KANK3: variants seen among roughly 807,000 people sequenced by gnomAD.
KANK3 encodes the protein KN motif and ankyrin repeat domain-containing protein 3.
KANK3 carries 61 observed loss-of-function variants against 65.4 expected under a neutral mutation model. That is an observed-to-expected ratio of 0.93 (90% confidence interval 0.76 to 1.15). The LOEUF is 1.15. KANK3 is among the 50% of genes most tolerant of loss of function. KANK3 has a pLI of 0.00. For synonymous variants in KANK3, 586 were observed against 543.3 expected (o/e 1.08, Z -1.09); for missense variants, 1,187 against 1,178.8 (o/e 1.01, Z -0.10).
At chr19:8,342,571 G>T (rs1209796248) in intron 1 of KANK3, among the ~76,000 whole-genome samples, 2 of 152,132 alleles carry the variant, frequency 1.3e-5, no homozygotes, top group Non-Finnish European at 2.9e-5. Flanking sequence ...GAGTGGTGGG[G>T]GCCACGGCAG....
chr19:8,329,034 G>C (rs961681343), intron 7 of KANK3, among the ~76,000 whole-genome samples: 2 of 151,580 alleles, frequency 1.3e-5, no homozygotes, highest in African/African-American at 4.9e-5. Context: ...AGCCGGGCGT[G>C]GTGGCGGACA....
intron 1 of KANK3, among the ~76,000 whole-genome samples, chr19:8,342,965 G>C (rs1970739691): frequency 6.6e-6 from 1 of 152,170 alleles, no homozygotes; most frequent in African/African-American, 2.4e-5. Flanking sequence ...GCATTAGGGA[G>C]CGAACGAGCC....
Position 8,334,956 on chromosome 19 carries a change from C to G in KANK3, c.871G>C (p.Val291Leu), listed in dbSNP as rs536790512. 1 of 1,493,838 alleles carries G rather than the reference C, an allele frequency of 6.7e-7. No homozygotes were observed. The highest frequency in any genetic ancestry group is 2.2e-5 in the Admixed American group (1 of 44,698). 92.5% of individuals were successfully genotyped at this position (1,493,838 alleles called of 1,614,324 possible). The change falls in exon 3 of 11, where the codon GTC becomes CTC. Residue 291 changes from valine to leucine, a missense_variant. By Grantham distance (32) the Val-to-Leu change is conservative. Transcript: ENST00000330915. ...TGGGGCGTCCCATCGAGACTCCCGA[C>G]CTCCCCGTCGAGGACCTGGAGCGCG... ...EGALQVLDGE[V>L]GSLDGTPQTR...
At chr19:8,327,503 C>T (rs533987675) in intron 7 of KANK3, among the ~76,000 whole-genome samples, 6 of 152,140 alleles carry the variant, frequency 3.9e-5, no homozygotes, top group East Asian at 3.9e-4. Flanking sequence ...TGGTGGTGTG[C>T]GCCTGTAGTC....
intron 2 of KANK3, 30 bp from the exon 3 acceptor site, chr19:8,335,822 C>T (rs1970628282): frequency 1.6e-6 from 2 of 1,221,736 alleles, no homozygotes; most frequent in Non-Finnish European, 2.0e-6. Flanking sequence ...ACGGGGAGGG[C>T]GCATCAGAAC....
In KANK3 at chr19:8,335,074, G is replaced by C. The variant is rs1239655585; in HGVS notation, c.753C>G (p.Thr251=). The change falls in exon 3 of 11, where the codon ACC becomes ACG. Residue 251 remains threonine, a synonymous_variant. Coordinates refer to ENST00000330915, the MANE Select transcript of KANK3 (RefSeq NM_198471.3). ...PDKLAQLRRL[T]ERLATSERGG... ...CGCGCTCGGAGGTGGCCAGGCGCTCGGTGAGCCGCCGCAGCTGGGCGAGCT... is the reference window on the plus strand; with the variant it reads ...CGCGCTCGGAGGTGGCCAGGCGCTCCGTGAGCCGCCGCAGCTGGGCGAGCT... The C allele has an allele frequency of 7.6e-7, 1 of 1,316,480 alleles. No homozygotes were observed. Among genetic ancestry groups the C allele is most frequent in the Non-Finnish European group, 9.6e-7 (1 of 1,038,194 alleles). 81.5% of individuals were successfully genotyped at this position (1,316,480 alleles called of 1,614,324 possible).
At chr19:8,340,139 G>A (rs1193041170) in intron 1 of KANK3, among the ~76,000 whole-genome samples, 2 of 151,346 alleles carry the variant, frequency 1.3e-5, no homozygotes, top group South Asian at 2.1e-4. Context: ...GTGCATGCCT[G>A]TAGTCCCAGC....
Position 8,331,144 on chromosome 19 carries a change from GA to G in KANK3, c.1936+1869del, listed in dbSNP as rs535012607. Among the ~76,000 whole-genome samples the G allele has an allele frequency of 6.5e-4, 99 of 151,258 alleles. 1 individual carries two copies. The highest frequency in any genetic ancestry group is 2.2e-3 in the African/African-American group (89 of 41,240). Reference sequence around the variant, plus strand: ...GGAGGCGTAGGTTGCAGTGAGCAGAGAGATCATGCCACTGCACTCCAGCCTG... The same window carrying G: ...GGAGGCGTAGGTTGCAGTGAGCAGAGGATCATGCCACTGCACTCCAGCCTG... On this transcript the variant is annotated intron_variant, in intron 7 of 10. Coordinates refer to ENST00000330915, the MANE Select transcript of KANK3 (RefSeq NM_198471.3).
In KANK3 at chr19:8,334,858, C is replaced by A. The variant is rs779701629; in HGVS notation, c.969G>T (p.Arg323=). 3 of 1,463,170 alleles carry A rather than the reference C, an allele frequency of 2.1e-6. No individual in the cohort carries two copies. In the East Asian group the frequency reaches 8.6e-5, roughly 42 times the overall value. 90.6% of individuals were successfully genotyped at this position (1,463,170 alleles called of 1,614,324 possible). ...EAGAQAVPET[R]EAGVEAAPET... ...CGGGGGCAGCCTCCACGCCGGCCTCCCGGGTCTCCGGCACGGCCTGGGCAC... is the reference window on the plus strand; with the variant it reads ...CGGGGGCAGCCTCCACGCCGGCCTCACGGGTCTCCGGCACGGCCTGGGCAC... The change falls in exon 3 of 11, where the codon CGG becomes CGT. Residue 323 remains arginine (R), a synonymous_variant. Coordinates refer to ENST00000330915, the MANE Select transcript of KANK3 (RefSeq NM_198471.3).
At position 8,335,203 on chromosome 19, in the gene KANK3, G is replaced by A. The variant is rs1484635534; in HGVS notation, c.624C>T (p.Pro208=). 1 of 1,219,438 alleles carries A rather than the reference G, an allele frequency of 8.2e-7. No homozygotes were observed. The highest frequency in any genetic ancestry group is 3.6e-5 in the East Asian group (1 of 28,150). 75.5% of individuals were successfully genotyped at this position (1,219,438 alleles called of 1,614,324 possible). A position where few individuals can be genotyped will look rare whatever the true frequency, so the allele number is the denominator to read the frequency against. ...GCGCGCGCACCTGCTCCTGCAGCTC[G>A]GGCAGCGTTCGCGCCTGGTCCTCGA... ...RELEDQARTL[P]ELQEQVRALR... is the part of the protein sequence containing the mutation. The change falls in exon 3 of 11, where the codon CCC becomes CCT. Residue 208 remains proline, a synonymous_variant. Coordinates refer to ENST00000330915, the MANE Select transcript of KANK3 (RefSeq NM_198471.3).
intron 7 of KANK3, among the ~76,000 whole-genome samples, chr19:8,327,624 T>C (rs1970452151): frequency 1.3e-5 from 2 of 151,950 alleles, no homozygotes; most frequent in Non-Finnish European, 2.9e-5. Flanking sequence ...AGCGACACTC[T>C]GCTCCCCGCC....
chr19:8,328,356 G>A (rs935031799), intron 7 of KANK3, among the ~76,000 whole-genome samples: 1 of 149,056 alleles, frequency 6.7e-6, no homozygotes, highest in Non-Finnish European at 1.5e-5. Flanking sequence ...CTTGATAATC[G>A]TCTCTCTCCA....
chr19:8,335,920 A>C, intron 2 of KANK3, 128 bp from the exon 3 acceptor site: 28 of 632,270 alleles, frequency 4.4e-5, no homozygotes, highest in Admixed American at 8.8e-5. Flanking sequence ...GTATTAACTC[A>C]ATCGCTTGTT....
intron 9 of KANK3, 35 bp downstream of exon 9, chr19:8,324,595 C>G (rs373095585): frequency 1.2e-6 from 2 of 1,611,306 alleles, no homozygotes; most frequent in African/African-American, 1.3e-5. Context: ...GCCATGGGCA[C>G]CCCCCAAGAT....
intron 7 of KANK3, 27 bp downstream of exon 7, chr19:8,332,987 T>TGGGGCCC: frequency 1.8e-5 from 7 of 395,194 alleles, no homozygotes; most frequent in Admixed American, 4.3e-5. Context: ...TTTCCTGGTG[T>TGGGGCCC]CCCACCCACC....
chr19:8,322,773 CA>C lies in KANK3; in HGVS notation c.*65del. The C allele has an allele frequency of 7.8e-7, 1 of 1,286,822 alleles. No homozygotes were observed. Among genetic ancestry groups the C allele is most frequent in the Non-Finnish European group, 1.1e-6 (1 of 898,084 alleles). The allele number at this position is 1,286,822 out of a possible 1,614,324, so 79.7% of individuals were successfully genotyped here. A position where few individuals can be genotyped will look rare whatever the true frequency, so the allele number is the denominator to read the frequency against. On this transcript the variant is annotated 3_prime_UTR_variant, in exon 11 of 11. Transcript: ENST00000330915. Reference sequence around the variant, plus strand: ...GGGGACCCTGGACCCTTCTGTGCGCCAAAGGCTGAGGTGACTGACGAGGAGA... The same window carrying C: ...GGGGACCCTGGACCCTTCTGTGCGCCAAGGCTGAGGTGACTGACGAGGAGA...
chr19:8,335,273 A>G lies in KANK3; in HGVS notation c.554T>C (p.Leu185Pro). Residue 185 changes from leucine (L) to proline (P), a missense_variant, in exon 3 of 11, where the codon CTG (leucine) becomes CCG (proline). Leu to Pro is a moderately conservative substitution (Grantham distance 98). Around this residue, in one of 3 missense-constraint regions of KANK3, gnomAD observed 1,078 missense variants for 1,038.2 expected, o/e 1.04. Transcript: ENST00000330915. Reference sequence around the variant, plus strand: ...CGCCGCGGCCATCTGCTCGCGCACCAGCTGCAGTTGGGCAGGGCCGGGCGA... The same window carrying G: ...CGCCGCGGCCATCTGCTCGCGCACCGGCTGCAGTTGGGCAGGGCCGGGCGA... The part of the protein sequence containing the change: ...PASPGPAQLQ[L>P]VREQMAAALR... 1 of 1,220,778 alleles carries G rather than the reference A, an allele frequency of 8.2e-7. No individual in the cohort carries two copies. Among genetic ancestry groups the G allele is most frequent in the Non-Finnish European group, 1.0e-6 (1 of 979,954 alleles). The allele number at this position is 1,220,778 out of a possible 1,614,324, so 75.6% of individuals were successfully genotyped here.
intron 2 of KANK3, among the ~76,000 whole-genome samples, chr19:8,337,363 G>A (rs145743649): frequency 0.025 from 3,783 of 152,084 alleles, 197 homozygotes; most frequent in South Asian, 0.17. Context: ...CACCATGCCC[G>A]GCTAATTTTT....
At chr19:8,331,455 T>C (rs1286367358) in intron 7 of KANK3, among the ~76,000 whole-genome samples, 1 of 151,976 alleles carries the variant, frequency 6.6e-6, no homozygotes, top group Non-Finnish European at 1.5e-5. Context: ...GATCTGCGTG[T>C]TTAGGGGGTT....
Sources: allele counts gnomAD v4.1 joint callset (sites outside exome capture counted in the v4.1 genomes callset), GRCh38; gene constraint gnomAD v4.1.1; regional missense constraint gnomAD v4.1.1; transcripts MANE v1.5; gene names NCBI Gene and HGNC (gene_info 2026-07-23, HGNC 2026-07-21).